AGTPBP1: variants seen among roughly 807,000 people sequenced by gnomAD.
The protein encoded by AGTPBP1 is ATP/GTP binding carboxypeptidase 1, also known as cytosolic carboxypeptidase 1.
A neutral mutation model predicts 143.9 loss-of-function variants in AGTPBP1; 70 were observed. The ratio of observed to expected loss-of-function variants is 0.49; its 90% CI spans 0.40 to 0.59. The LOEUF (loss-of-function observed/expected upper bound fraction) is 0.59, where lower values mean the gene tolerates loss of function less well. Ranked by LOEUF, AGTPBP1 falls within the 20% of genes least tolerant of loss-of-function variation. The probability of loss-of-function intolerance (pLI) is 0.00; values close to 1 mark genes in which losing one functional copy is unlikely to be tolerated. For synonymous variants in AGTPBP1, 463 were observed against 500.2 expected (o/e 0.93, Z 0.99); for missense variants, 1,229 against 1,464.5 (o/e 0.84, Z 2.62).
the AGTPBP1 span, among the ~76,000 whole-genome samples, chr9:85,753,796 AG>A: frequency 6.7e-6 from 1 of 150,114 alleles, no homozygotes; most frequent in Non-Finnish European, 1.5e-5. Flanking sequence ...ATAGATAGAT[AG>A]ATAGATAGAT....
At chr9:85,548,215 G>A (rs983208055) in intron 25 of AGTPBP1, among the ~76,000 whole-genome samples, 2 of 152,144 alleles carry the variant, frequency 1.3e-5, no homozygotes, top group Non-Finnish European at 2.9e-5. Flanking sequence ...TAAAATAAGA[G>A]AGAAGCAGAT....
chr9:85,674,643 A>G (rs1834710654), intron 6 of AGTPBP1, among the ~76,000 whole-genome samples: 1 of 152,168 alleles, frequency 6.6e-6, no homozygotes, highest in South Asian at 2.1e-4. Flanking sequence ...TATTCCTTAA[A>G]TAAACTAAAT....
intron 11 of AGTPBP1, among the ~76,000 whole-genome samples, chr9:85,651,765 T>C (rs967724399): frequency 6.6e-6 from 1 of 152,152 alleles, no homozygotes; most frequent in African/African-American, 2.4e-5. Context: ...CCTTCAAATC[T>C]CCATAGATGC....
At chr9:85,645,919 A>C (rs1168256937) in intron 12 of AGTPBP1, among the ~76,000 whole-genome samples, 2 of 152,146 alleles carry the variant, frequency 1.3e-5, no homozygotes, top group Non-Finnish European at 2.9e-5. Context: ...TTATGCAAAC[A>C]CTAATTCTCA....
intron 2 of AGTPBP1, among the ~76,000 whole-genome samples, chr9:85,706,551 G>T (rs545779384): frequency 7.5e-5 from 11 of 147,238 alleles, no homozygotes; most frequent in Non-Finnish European, 1.6e-4. Context: ...GAAATAGTAA[G>T]ATCATATTTT....
chr9:85,753,360 C>T, the AGTPBP1 span: 3 of 1,613,866 alleles, frequency 1.9e-6, no homozygotes, highest in Admixed American at 1.7e-5. Flanking sequence ...AGCTGAGGAC[C>T]TTGATGCATG....
intron 13 of AGTPBP1, 30 bp from the exon 14 acceptor site, chr9:85,633,404 T>G (rs774861922): frequency 7.7e-6 from 11 of 1,431,206 alleles, no homozygotes; most frequent in Non-Finnish European, 1.0e-5. Context: ...TTTAATCTTT[T>G]AACTGTAAAT....
rs1167355181 is a variant in AGTPBP1, at chr9:85,741,908, C to A, written c.-167G>T. On this transcript the variant is annotated 5_prime_UTR_variant, in exon 1 of 26. Transcript: ENST00000357081. ...ACCCCGGTGGCAGGCGAGGCGGAGGCGGCGGCGGCGGCAGCTGCGGCGGCG... is the reference window on the plus strand; with the variant it reads ...ACCCCGGTGGCAGGCGAGGCGGAGGAGGCGGCGGCGGCAGCTGCGGCGGCG... The A allele has an allele frequency of 8.3e-7, 1 of 1,201,204 alleles. No individual in the cohort carries two copies. The highest frequency in any genetic ancestry group is 1.1e-6 in the Non-Finnish European group (1 of 940,706). The allele number at this position is 1,201,204 out of a possible 1,614,324, so 74.4% of individuals were successfully genotyped here.
rs202104885 is a variant in AGTPBP1, at chr9:85,679,368, G to GTT, written c.226-972_226-971dup. Among the ~76,000 whole-genome samples the GTT allele has an allele frequency of 1.7e-3, 262 of 150,644 alleles. 1 individual carries two copies. Among genetic ancestry groups the GTT allele is most frequent in the Non-Finnish European group, 3.2e-3 (215 of 67,526 alleles). On this transcript the variant is annotated intron_variant, in intron 4 of 25. Coordinates refer to ENST00000357081, the MANE Select transcript of AGTPBP1 (RefSeq NM_001330701.2). Reference sequence around the variant, plus strand: ...ATAGCCTTTACATGGTTTTTGAAGTGTTTTTTTTTGTTGTTGTTCCTTCCT... The same window carrying GTT: ...ATAGCCTTTACATGGTTTTTGAAGTGTTTTTTTTTTTGTTGTTGTTCCTTCCT...
At chr9:85,640,497 G>A (rs1832392642) in intron 13 of AGTPBP1, among the ~76,000 whole-genome samples, 2 of 152,156 alleles carry the variant, frequency 1.3e-5, no homozygotes, top group South Asian at 4.1e-4. Context: ...TTCGCTTAAA[G>A]AAAATAAAAA....
intron 15 of AGTPBP1, among the ~76,000 whole-genome samples, chr9:85,620,151 T>C (rs1019162561): frequency 6.6e-6 from 1 of 151,902 alleles, no homozygotes; most frequent in African/African-American, 2.4e-5. Context: ...TGGGTCACAC[T>C]TGTAATCCCG....
chr9:85,581,600 A>C (rs1169637519), intron 23 of AGTPBP1, among the ~76,000 whole-genome samples: 1 of 152,222 alleles, frequency 6.6e-6, no homozygotes, highest in Admixed American at 6.5e-5. Context: ...CAACCAAATA[A>C]ACAAAAGTCC....
intron 2 of AGTPBP1, among the ~76,000 whole-genome samples, chr9:85,705,504 T>C (rs1290761064): frequency 2.0e-5 from 3 of 151,940 alleles, no homozygotes; most frequent in East Asian, 3.9e-4. Flanking sequence ...TAGCAAGACA[T>C]ATCTCTGTTC....
At chr9:85,770,942 C>T in the AGTPBP1 span, among the ~76,000 whole-genome samples, 2 of 151,966 alleles carry the variant, frequency 1.3e-5, no homozygotes, top group Non-Finnish European at 2.9e-5. Context: ...AGTGGTGTAT[C>T]AGTGGCAAAG....
intron 1 of AGTPBP1, among the ~76,000 whole-genome samples, chr9:85,715,997 C>G (rs2134536343): frequency 6.6e-6 from 1 of 152,142 alleles, no homozygotes; most frequent in Middle Eastern, 3.4e-3. Flanking sequence ...TTTCTCGCTC[C>G]CAATTCAGCT....
At chr9:85,688,110 A>AAAAAAAAAAAG in intron 3 of AGTPBP1, among the ~76,000 whole-genome samples, 1 of 149,166 alleles carries the variant, frequency 6.7e-6, no homozygotes, top group African/African-American at 2.4e-5. Flanking sequence ...AAAAAAAAAA[A>AAAAAAAAAAAG]AAAAAAAAAA....
At chr9:85,584,784 G>A (rs1371119549) in intron 23 of AGTPBP1, among the ~76,000 whole-genome samples, 2 of 152,182 alleles carry the variant, frequency 1.3e-5, no homozygotes, top group Admixed American at 6.5e-5. Flanking sequence ...TAAAGTATTT[G>A]TGAAGAAATC....
intron 7 of AGTPBP1, among the ~76,000 whole-genome samples, chr9:85,669,943 G>C (rs1222561741): frequency 6.6e-6 from 1 of 152,130 alleles, no homozygotes; most frequent in Non-Finnish European, 1.5e-5. Flanking sequence ...AAAGTGTAGA[G>C]AGAATGACAG....
intron 17 of AGTPBP1, among the ~76,000 whole-genome samples, chr9:85,603,112 C>T (rs1033038711): frequency 4.6e-5 from 7 of 152,222 alleles, no homozygotes; most frequent in Admixed American, 2.6e-4. Flanking sequence ...TGGACAAGTC[C>T]TGGTGCTATG....
Sources: gnomAD v4.1 joint callset for allele counts (sites outside exome capture counted in the v4.1 genomes callset) on GRCh38, gnomAD v4.1.1 for gene constraint, MANE v1.5 for transcripts, NCBI Gene and HGNC (gene_info 2026-07-23, HGNC 2026-07-21) for gene names.